Variants in SYT1 observed in about 807,000 individuals in gnomAD.
SYT1 encodes synaptotagmin 1, also known as synaptotagmin-1.
A neutral mutation model predicts 44.8 loss-of-function variants in SYT1; 8 were observed. The observed-to-expected ratio is 0.18, with a 90% confidence interval of 0.10 to 0.32. SYT1 has a LOEUF of 0.32. Ranked by LOEUF, SYT1 falls within the 10% of genes least tolerant of loss-of-function variation. The probability of loss-of-function intolerance (pLI) is 1.00; values close to 1 mark genes in which losing one functional copy is unlikely to be tolerated. For synonymous variants in SYT1, 154 were observed against 188.8 expected, an observed-to-expected ratio of 0.82 and a Z score of 1.51; for missense variants, 286 against 509.3, an observed-to-expected ratio of 0.56 and a Z score of 4.22.
At chr12:79,048,948 T>C (rs537606276) in intron 3 of SYT1, among the ~76,000 whole-genome samples, 1 of 152,066 alleles carries the variant, frequency 6.6e-6, no homozygotes, top group South Asian at 2.1e-4. Context: ...CTTAAAGTTT[T>C]GTTTTTATAT....
intron 8 of SYT1, among the ~76,000 whole-genome samples, chr12:79,306,231 A>G (rs1177989006): frequency 6.6e-6 from 1 of 152,246 alleles, no homozygotes; most frequent in Admixed American, 6.5e-5. Flanking sequence ...ATGCATTCTA[A>G]TGTTCTATCA....
intron 1 of SYT1, among the ~76,000 whole-genome samples, chr12:78,903,189 T>C (rs953380303): frequency 4.6e-5 from 7 of 151,814 alleles, no homozygotes; most frequent in African/African-American, 1.7e-4. Context: ...TACTTTTTTG[T>C]GTTTTATCTT....
rs71441941 is a variant in SYT1 at position 78,941,394 on chromosome 12, T to TACACAC, written c.-216-36369_-216-36364dup. ...GCCTAGAACATTTCTTAATAGAATC[T>TACACAC]ACACACACACACACACACACACACA... On this transcript the variant is annotated intron_variant, in intron 1 of 10. Coordinates refer to ENST00000261205, the MANE Select transcript of SYT1 (RefSeq NM_005639.3). 3.5e-3 allele frequency among the ~76,000 whole-genome samples: 504 copies of TACACAC among 143,804 alleles called. 1 individual carries two copies. Among genetic ancestry groups the TACACAC allele is most frequent in the Non-Finnish European group, 4.4e-3 (294 of 66,102 alleles). The allele number at this position is 143,804 out of a possible 152,430, so 94.3% of individuals were successfully genotyped here.
intron 9 of SYT1, among the ~76,000 whole-genome samples, chr12:79,366,906 G>C (rs1196816482): frequency 1.4e-5 from 2 of 141,148 alleles, no homozygotes; most frequent in African/African-American, 5.2e-5. Flanking sequence ...GTGTGTGTGT[G>C]TGTGTGTGTG....
chr12:79,382,870 G>A (rs1262061668), intron 9 of SYT1, among the ~76,000 whole-genome samples: 1 of 152,162 alleles, frequency 6.6e-6, no homozygotes, highest in Admixed American at 6.5e-5. Context: ...ATTGTAAAAA[G>A]GCAGGCATTT....
intron 1 of SYT1, among the ~76,000 whole-genome samples, chr12:78,903,180 A>T (rs1875758859): frequency 6.6e-6 from 1 of 152,068 alleles, no homozygotes; most frequent in African/African-American, 2.4e-5. Flanking sequence ...AAATGTAGAT[A>T]CTTTTTTGTG....
intron 8 of SYT1, among the ~76,000 whole-genome samples, chr12:79,324,193 G>A (rs1250505382): frequency 2.0e-5 from 3 of 151,920 alleles, no homozygotes; most frequent in Non-Finnish European, 2.9e-5. Context: ...CTTGTGATCT[G>A]CCTGCCTCGG....
intron 8 of SYT1, among the ~76,000 whole-genome samples, chr12:79,323,948 CTTTTTTTT>C (rs56962075): frequency 1.8e-5 from 2 of 112,628 alleles, no homozygotes; most frequent in African/African-American, 3.3e-5. Flanking sequence ...TTTCTATTTT[CTTTTTTTT>C]TTTTTTTTTT....
chr12:79,200,619 C>G (rs1873725875), intron 3 of SYT1, among the ~76,000 whole-genome samples: 1 of 152,158 alleles, frequency 6.6e-6, no homozygotes, highest in South Asian at 2.1e-4. Flanking sequence ...AGCTTATCTA[C>G]TGGTACCTGC....
chr12:79,011,315 C>A (rs955597896), intron 2 of SYT1, among the ~76,000 whole-genome samples: 44 of 152,134 alleles, frequency 2.9e-4, no homozygotes, highest in African/African-American at 1.1e-3. Flanking sequence ...AGTTTACATA[C>A]CAGCTTAGAA....
intron 1 of SYT1, among the ~76,000 whole-genome samples, chr12:78,910,720 A>G (rs1412521807): frequency 1.3e-5 from 2 of 152,036 alleles, no homozygotes; most frequent in African/African-American, 4.8e-5. Context: ...AAAATTCTAC[A>G]GAAGAGGGTA....
intron 7 of SYT1, among the ~76,000 whole-genome samples, chr12:79,298,361 T>A (rs2138874474): frequency 6.6e-6 from 1 of 152,216 alleles, no homozygotes; most frequent in Non-Finnish European, 1.5e-5. Context: ...GGTAAATAAA[T>A]GACAGAAAAG....
At chr12:79,228,678 C>T (rs1218157002) in intron 4 of SYT1, among the ~76,000 whole-genome samples, 2 of 152,078 alleles carry the variant, frequency 1.3e-5, no homozygotes, top group African/African-American at 2.4e-5. Flanking sequence ...CCTAGCCATT[C>T]AAATAAAAAA....
intron 2 of SYT1, among the ~76,000 whole-genome samples, chr12:79,018,430 C>T (rs1262182468): frequency 1.3e-5 from 2 of 151,962 alleles, no homozygotes; most frequent in African/African-American, 2.4e-5. Context: ...CAACATGGCA[C>T]ATGTATACAT....
At chr12:79,200,468 T>G (rs1873714964) in intron 3 of SYT1, among the ~76,000 whole-genome samples, 1 of 152,040 alleles carries the variant, frequency 6.6e-6, no homozygotes, top group Admixed American at 6.6e-5. Context: ...GGACAGGGTG[T>G]AGGAGCAAAC....
chr12:78,974,089 GAT>G (rs1868635011), intron 1 of SYT1, among the ~76,000 whole-genome samples: 1 of 149,080 alleles, frequency 6.7e-6, no homozygotes, highest in East Asian at 2.0e-4. Flanking sequence ...AAACCTAGAT[GAT>G]ATAAGCTAAC....
intron 3 of SYT1, among the ~76,000 whole-genome samples, chr12:79,060,823 T>C (rs1163695124): frequency 6.6e-6 from 1 of 152,086 alleles, no homozygotes; most frequent in Non-Finnish European, 1.5e-5. Context: ...TTTTAGAACA[T>C]CTCTCTTTTT....
At chr12:79,157,733 T>C (rs1454112180) in intron 3 of SYT1, among the ~76,000 whole-genome samples, 2 of 152,180 alleles carry the variant, frequency 1.3e-5, no homozygotes, top group Non-Finnish European at 2.9e-5. Context: ...TATAGGACTT[T>C]GTACTAAGAG....
chr12:79,142,501 C>T (rs1020473604), intron 3 of SYT1, among the ~76,000 whole-genome samples: 1 of 152,154 alleles, frequency 6.6e-6, no homozygotes, highest in Non-Finnish European at 1.5e-5. Context: ...AATCAACTTC[C>T]ATGTGGACCA....
Sources: allele counts gnomAD v4.1 joint callset (sites outside exome capture counted in the v4.1 genomes callset), GRCh38; gene constraint gnomAD v4.1.1; transcripts MANE v1.5; gene names NCBI Gene and HGNC (gene_info 2026-07-23, HGNC 2026-07-21).